Variants in CCDC146 observed in about 807,000 individuals in gnomAD.
CCDC146 encodes coiled-coil domain containing 146, also known as coiled-coil domain-containing protein 146.
Under a neutral mutation model 119.3 loss-of-function variants are expected in CCDC146, and 92 were observed. The observed-to-expected ratio is 0.77, with a 90% CI of 0.65 to 0.92. The LOEUF is 0.92. Among genes scored for constraint, CCDC146 ranks in the 40% least tolerant of loss-of-function variants. The pLI is 0.00. For synonymous variants in CCDC146, 372 were observed against 371.8 expected, an observed-to-expected ratio of 1.00 and a Z score of -0.01; for missense variants, 1,000 against 1,103.0, an observed-to-expected ratio of 0.91 and a Z score of 1.32.
At chr7:77,168,119 C>G (rs1454092573) in intron 2 of CCDC146, among the ~76,000 whole-genome samples, 2 of 152,090 alleles carry the variant, frequency 1.3e-5, no homozygotes, top group Non-Finnish European at 2.9e-5. Context: ...AAGAAGATTT[C>G]TTTTATTATT....
intron 2 of CCDC146, among the ~76,000 whole-genome samples, chr7:77,170,632 T>C (rs930847703): frequency 2.6e-5 from 4 of 152,190 alleles, no homozygotes; most frequent in Admixed American, 2.0e-4. Context: ...AAAGACAATC[T>C]ACAGAATGGG....
At chr7:77,264,710 G>C (rs958372101) in intron 9 of CCDC146, among the ~76,000 whole-genome samples, 1 of 151,862 alleles carries the variant, frequency 6.6e-6, no homozygotes, top group African/African-American at 2.4e-5. Flanking sequence ...GGATATATTT[G>C]TCCTTATTCT....
intron 2 of CCDC146, among the ~76,000 whole-genome samples, chr7:77,187,099 A>G (rs537000686): frequency 6.6e-6 from 1 of 152,322 alleles, no homozygotes; most frequent in South Asian, 2.1e-4. Flanking sequence ...TGCTTTAACA[A>G]TTCTCCACTT....
At chr7:77,137,131 A>G (rs1358556727) in intron 1 of CCDC146, among the ~76,000 whole-genome samples, 1 of 152,126 alleles carries the variant, frequency 6.6e-6, no homozygotes. Context: ...GAATATCTAT[A>G]TAAAACCTGT....
intron 4 of CCDC146, 63 bp from the exon 5 acceptor site, chr7:77,254,443 T>G: frequency 2.2e-6 from 2 of 909,704 alleles, no homozygotes; most frequent in East Asian, 2.5e-5. Flanking sequence ...AGATAGAAAG[T>G]TGTTATTACA....
intron 2 of CCDC146, among the ~76,000 whole-genome samples, chr7:77,218,989 A>T (rs1033500664): frequency 1.8e-4 from 27 of 152,220 alleles, no homozygotes; most frequent in Admixed American, 1.4e-3. Context: ...GTGGCATGAA[A>T]TATACTACTA....
Position 77,196,281 on chromosome 7 carries a change from A to G in CCDC146, c.156+28457A>G, listed in dbSNP as rs750223519. On this transcript the variant is annotated intron_variant, in intron 2 of 18. Coordinates refer to ENST00000285871, the MANE Select transcript of CCDC146 (RefSeq NM_020879.3). The surrounding 1 kb of genome is among the most constrained non-coding windows in gnomAD (Gnocchi z 4.2). ...CCTGGAGGAATGAACAGAGTGATTT[A>G]TGGCTTAAAGTGCTTGGGTCTGATC... 1 of 1,609,574 alleles carries G rather than the reference A, an allele frequency of 6.2e-7. No homozygotes were observed. Among genetic ancestry groups the G allele is most frequent in the Admixed American group, 1.7e-5 (1 of 59,568 alleles).
At chr7:77,287,645 C>T (rs1018567711) in intron 17 of CCDC146, 68 bp downstream of exon 17, 24 of 1,531,660 alleles carry the variant, frequency 1.6e-5, no homozygotes, top group South Asian at 2.4e-5. Flanking sequence ...TTCCACAGAC[C>T]GACAGATTTA....
At chr7:77,165,989 G>A (rs922575995) in intron 1 of CCDC146, among the ~76,000 whole-genome samples, 21 of 152,270 alleles carry the variant, frequency 1.4e-4, no homozygotes, top group African/African-American at 4.8e-4. Context: ...TTCCAAGCTT[G>A]AATAAAGCTT....
chr7:77,235,029 A>G (rs1484819710), intron 2 of CCDC146, among the ~76,000 whole-genome samples: 4 of 152,314 alleles, frequency 2.6e-5, no homozygotes, highest in Non-Finnish European at 4.4e-5. Flanking sequence ...CCCACTGTAT[A>G]GACTCAGACT....
chr7:77,212,232 TTTAA>T, intron 2 of CCDC146, among the ~76,000 whole-genome samples: 1 of 152,342 alleles, frequency 6.6e-6, no homozygotes, highest in Non-Finnish European at 1.5e-5. Context: ...AGGTTTCCTA[TTTAA>T]TAATAAGTTC....
At chr7:77,172,676 C>T (rs575596324) in intron 2 of CCDC146, among the ~76,000 whole-genome samples, 10 of 152,224 alleles carry the variant, frequency 6.6e-5, no homozygotes, top group South Asian at 2.1e-4. Flanking sequence ...TATGTTGTTC[C>T]GCTCAGCAGG....
chr7:77,268,901 A>C (rs1793457335), intron 9 of CCDC146, among the ~76,000 whole-genome samples: 1 of 151,894 alleles, frequency 6.6e-6, no homozygotes, highest in Non-Finnish European at 1.5e-5. Context: ...TTTTTTTTCC[A>C]TGCTGGGAAA....
intron 1 of CCDC146, among the ~76,000 whole-genome samples, chr7:77,123,092 T>C (rs1790646982): frequency 6.8e-6 from 1 of 146,366 alleles, no homozygotes; most frequent in Non-Finnish European, 1.5e-5. Flanking sequence ...TGGTGCACAG[T>C]CTACCAAATT....
chr7:77,158,258 T>C (rs182749662), intron 1 of CCDC146, among the ~76,000 whole-genome samples: 4 of 152,356 alleles, frequency 2.6e-5, no homozygotes, highest in Admixed American at 6.5e-5. Flanking sequence ...GAAAACTCAA[T>C]AAATATTTAT....
Position 77,280,636 on chromosome 7 carries a change from T to G in CCDC146, c.1902T>G (p.Val634=). ...TTCGCAAAAGATACGAAAAAGCTGT[T>G]CAGCATCGAAATGAAAGGTAAAAAC... The part of the protein sequence containing the change: ...VQLRKRYEKA[V]QHRNESGVQL... The change falls in exon 14 of 19, where the codon GTT becomes GTG. Residue 634 remains valine (V), a synonymous_variant. Coordinates refer to ENST00000285871, the MANE Select transcript of CCDC146 (RefSeq NM_020879.3). 1 of 1,611,916 alleles carries G rather than the reference T, an allele frequency of 6.2e-7. No individual in the cohort carries two copies. The highest frequency in any genetic ancestry group is 8.5e-7 in the Non-Finnish European group (1 of 1,178,976).
chr7:77,259,117 G>C (rs563126102), intron 7 of CCDC146, 49 bp downstream of exon 7: 3 of 1,067,028 alleles, frequency 2.8e-6, no homozygotes, highest in Admixed American at 2.2e-5. Flanking sequence ...CAAGTTATGT[G>C]TGCACACTAG....
In CCDC146 at chr7:77,286,921, G is replaced by A; in HGVS notation, c.2272G>A (p.Asp758Asn). The A allele has an allele frequency of 6.2e-7, 1 of 1,614,086 alleles. No homozygotes were observed. Among genetic ancestry groups the A allele is most frequent in the Non-Finnish European group, 8.5e-7 (1 of 1,179,972 alleles). ...CGAAAAAGAAATGATCCAAAAATTA[G>A]ACAAGGTAAACATTATTGCTTAAAA... ...LTEKEMIQKLDKLELQLAKKE... is the reference protein window; with the variant it reads ...LTEKEMIQKLNKLELQLAKKE... Residue 758 changes from aspartate (D) to asparagine (N), a missense_variant, in exon 16 of 19, where the codon GAC becomes AAC. Coordinates refer to ENST00000285871, the MANE Select transcript of CCDC146 (RefSeq NM_020879.3).
At chr7:77,294,624 G>C in intron 18 of CCDC146, 39 bp from the exon 19 acceptor site, 1 of 1,592,838 alleles carries the variant, frequency 6.3e-7, no homozygotes, top group Non-Finnish European at 8.6e-7. Flanking sequence ...CTTCACCAGA[G>C]TTTTCAGAGA....
Sources: allele counts gnomAD v4.1 joint callset (sites outside exome capture counted in the v4.1 genomes callset), GRCh38; gene constraint gnomAD v4.1.1; non-coding constraint Gnocchi (gnomAD v3.1); transcripts MANE v1.5; gene names NCBI Gene and HGNC (gene_info 2026-07-23, HGNC 2026-07-21).